ARSB: variants seen among roughly 807,000 people sequenced by gnomAD.
The protein encoded by ARSB is arylsulfatase B.
In ARSB, 41 loss-of-function variants were observed where a neutral mutation model predicts 50.9. The observed-to-expected ratio is 0.81, with a 90% CI of 0.63 to 1.04. The LOEUF (loss-of-function observed/expected upper bound fraction) is 1.04, where lower values mean the gene tolerates loss of function less well. Ranked by LOEUF, ARSB falls within the 50% of genes least tolerant of loss-of-function variation. The pLI is 0.00. For missense variants in ARSB, 672 were observed against 693.3 expected (o/e 0.97, Z 0.35); for synonymous variants, 269 against 284.8 (o/e 0.94, Z 0.56).
At chr5:78,952,876 T>C (rs1474121809) in intron 4 of ARSB, among the ~76,000 whole-genome samples, 2 of 152,242 alleles carry the variant, frequency 1.3e-5, no homozygotes, top group Non-Finnish European at 2.9e-5. Context: ...AATGAGGTCA[T>C]TTCCCAGGAA....
At chr5:78,851,026 A>AT (rs2112044314) in intron 5 of ARSB, among the ~76,000 whole-genome samples, 1 of 152,188 alleles carries the variant, frequency 6.6e-6, no homozygotes, top group African/African-American at 2.4e-5. Context: ...GGATTCATTA[A>AT]TTTTTTGAAG....
intron 4 of ARSB, among the ~76,000 whole-genome samples, chr5:78,940,049 T>C (rs1750830112): frequency 6.6e-6 from 1 of 152,252 alleles, no homozygotes; most frequent in African/African-American, 2.4e-5. Context: ...TGAGCATTTT[T>C]TCATGTGTCT....
At chr5:78,948,632 T>C (rs1043591224) in intron 4 of ARSB, among the ~76,000 whole-genome samples, 2 of 152,274 alleles carry the variant, frequency 1.3e-5, no homozygotes, top group Middle Eastern at 3.4e-3. Context: ...CGTCAGCTTT[T>C]TGAAGAGTCT....
chr5:78,956,410 T>G (rs144714055), intron 3 of ARSB, among the ~76,000 whole-genome samples: 47 of 152,198 alleles, frequency 3.1e-4, no homozygotes, highest in Admixed American at 2.8e-3. Context: ...ACAAGGTTTT[T>G]TTGGGGGGAT....
At chr5:78,975,764 G>T (rs548410056) in intron 1 of ARSB, among the ~76,000 whole-genome samples, 2 of 152,288 alleles carry the variant, frequency 1.3e-5, no homozygotes, top group East Asian at 3.9e-4. Context: ...GCTCTTTCAC[G>T]AACTGTGTAA....
At chr5:78,945,728 C>A (rs1751198884) in intron 4 of ARSB, among the ~76,000 whole-genome samples, 1 of 152,166 alleles carries the variant, frequency 6.6e-6, no homozygotes, top group South Asian at 2.1e-4. Context: ...CCTTGCAGTC[C>A]AGGCTCCAGC....
At chr5:78,781,323 C>CTTTT (rs376851173) in intron 7 of ARSB, among the ~76,000 whole-genome samples, 203 of 75,358 alleles carry the variant, frequency 2.7e-3, no homozygotes, top group Middle Eastern at 0.014. Context: ...CTCTCTCTCT[C>CTTTT]TTTTTTTTTT....
chr5:78,982,734 C>T lies in ARSB; in HGVS notation c.312+2203G>A, dbSNP rs148782720. ...TAGTATCTGACGGAGACTCCTGAGC[C>T]TTCCCTGAAATTTCTACTTCATTAA... On this transcript the variant is annotated intron_variant, in intron 1 of 7. Coordinates refer to ENST00000264914, the MANE Select transcript of ARSB (RefSeq NM_000046.5). Among the ~76,000 whole-genome samples, 27 of 152,306 alleles carry T rather than the reference C, an allele frequency of 1.8e-4. 3 individuals are homozygous for T. In the East Asian group the frequency reaches 5.2e-3, roughly 29 times the overall value.
chr5:78,945,551 A>G (rs1424002401), intron 4 of ARSB, among the ~76,000 whole-genome samples: 1 of 151,876 alleles, frequency 6.6e-6, no homozygotes, highest in African/African-American at 2.4e-5. Flanking sequence ...CCTGCTTCCA[A>G]TCACCCTCCA....
chr5:78,956,687 T>G (rs1389915667), intron 3 of ARSB, among the ~76,000 whole-genome samples: 1 of 152,212 alleles, frequency 6.6e-6, no homozygotes, highest in Non-Finnish European at 1.5e-5. Context: ...GACAGTATGA[T>G]AATAATTTAC....
intron 5 of ARSB, among the ~76,000 whole-genome samples, chr5:78,847,935 T>C (rs928821674): frequency 1.3e-5 from 2 of 152,080 alleles, no homozygotes; most frequent in African/African-American, 4.8e-5. Context: ...TGATTTTATT[T>C]GGACCATTTA....
chr5:78,937,286 T>TATATATATGTAAG (rs1561512439), intron 4 of ARSB, among the ~76,000 whole-genome samples: 2 of 103,532 alleles, frequency 1.9e-5, no homozygotes, highest in African/African-American at 3.3e-5. Flanking sequence ...ATATGTAAGA[T>TATATATATGTAAG]ATATATATGT....
At chr5:78,875,674 A>ATT (rs60556040) in intron 5 of ARSB, among the ~76,000 whole-genome samples, 1 of 149,294 alleles carries the variant, frequency 6.7e-6, no homozygotes, top group African/African-American at 2.5e-5. Context: ...TATTATTATT[A>ATT]TTTTTTTTTT....
chr5:78,784,144 T>A (rs186877390), intron 6 of ARSB, among the ~76,000 whole-genome samples: 6 of 152,364 alleles, frequency 3.9e-5, no homozygotes, highest in African/African-American at 1.2e-4. Context: ...CATTTTAAAA[T>A]GCAGAATACA....
At chr5:78,840,168 C>T (rs1260878758) in intron 5 of ARSB, among the ~76,000 whole-genome samples, 4 of 152,180 alleles carry the variant, frequency 2.6e-5, no homozygotes, top group Admixed American at 2.6e-4. Flanking sequence ...GCACAATAGG[C>T]ACCCAGGTCA....
chr5:78,939,731 G>A (rs1177308129), intron 4 of ARSB, among the ~76,000 whole-genome samples: 50 of 152,130 alleles, frequency 3.3e-4, no homozygotes, highest in East Asian at 3.9e-4. Flanking sequence ...GAATAGTGCC[G>A]CAATAAACAT....
At chr5:78,804,720 T>C (rs1436338147) in intron 6 of ARSB, among the ~76,000 whole-genome samples, 2 of 152,222 alleles carry the variant, frequency 1.3e-5, no homozygotes, top group Admixed American at 1.3e-4. Context: ...TGGTAGGGAC[T>C]GGCCTTTCTG....
At position 78,885,822 on chromosome 5, in the gene ARSB, C is replaced by T. The variant is rs779378413; in HGVS notation, c.904G>A (p.Gly302Arg). 8.1e-6 allele frequency: 13 copies of T among 1,613,998 alleles called. No individual in the cohort carries two copies. The highest frequency in any genetic ancestry group is 2.2e-5 in the South Asian group (2 of 91,078). ...NTVFIFSTDNGGQTLAGGNNW... is the reference protein window; with the variant it reads ...NTVFIFSTDNRGQTLAGGNNW... ...TTACCCCCTGCCAAAGTCTGCCCTC[C>T]GTTATCTGAAACACAGTAAGGTCTT... The change falls in exon 5 of 8, where the codon GGA (glycine) becomes AGA (arginine). Residue 302 changes from glycine (G) to arginine (R), a missense_variant. Transcript: ENST00000264914.
intron 1 of ARSB, among the ~76,000 whole-genome samples, chr5:78,979,619 G>A (rs1752811997): frequency 1.3e-5 from 2 of 152,164 alleles, no homozygotes; most frequent in Admixed American, 1.3e-4. Context: ...CAGGGACTCT[G>A]ACCTTTCAGT....
Sources: allele counts gnomAD v4.1 joint callset (sites outside exome capture counted in the v4.1 genomes callset), GRCh38; gene constraint gnomAD v4.1.1; transcripts MANE v1.5; gene names NCBI Gene and HGNC (gene_info 2026-07-23, HGNC 2026-07-21).